RTCA: variants seen among roughly 807,000 people sequenced by gnomAD.
RTCA encodes the protein RNA 3'-terminal phosphate cyclase, also known as RNA terminal phosphate cyclase domain 1.
RTCA carries 37 observed loss-of-function variants against 46.1 expected under a neutral mutation model. The ratio of observed to expected loss-of-function variants is 0.80; its 90% CI spans 0.62 to 1.06. RTCA has a LOEUF of 1.06. Among genes scored for constraint, RTCA ranks in the 50% least tolerant of loss-of-function variants. The pLI is 0.00. For missense variants in RTCA, 435 were observed against 455.5 expected, an observed-to-expected ratio of 0.95 and a Z score of 0.41; for synonymous variants, 164 against 158.3, an observed-to-expected ratio of 1.04 and a Z score of -0.27.
rs772670063 is a variant in RTCA at position 100,277,332 on chromosome 1, G to A, written c.799+16G>A. 2 of 1,597,502 alleles carry A rather than the reference G, an allele frequency of 1.3e-6. No individual in the cohort carries two copies. Among genetic ancestry groups the A allele is most frequent in the East Asian group, 4.5e-5 (2 of 44,578 alleles). On this transcript the variant is annotated intron_variant, in intron 8 of 10. Transcript: ENST00000370128. The stretch of plus-strand genomic sequence containing the variant: ...GGTAAACGAGGTAAGATAAATGAAG[G>A]GGGTCCATAGTTCCCAATGCTACTG...
chr1:100,283,160 C>CTTT (rs71084815), intron 8 of RTCA, among the ~76,000 whole-genome samples: 2 of 102,102 alleles, frequency 2.0e-5, no homozygotes, highest in East Asian at 3.1e-4. Flanking sequence ...CCAAATATTC[C>CTTT]TTTTTTTTTT....
At chr1:100,270,807 C>A in intron 4 of RTCA, 127 bp downstream of exon 4, 2 of 1,169,332 alleles carry the variant, frequency 1.7e-6, no homozygotes, top group Non-Finnish European at 2.4e-6. Context: ...TCTTTTCTTT[C>A]TTTCTTTCTT....
chr1:100,275,464 GCT>G (rs1415211242), intron 6 of RTCA, 133 bp from the exon 7 acceptor site: 5 of 577,296 alleles, frequency 8.7e-6, no homozygotes, highest in South Asian at 3.4e-5. Flanking sequence ...AAAATTCAGT[GCT>G]CTCTTGAAAA....
Position 100,277,313 on chromosome 1 carries a change from C to G in RTCA, c.796C>G (p.Arg266Gly). The change falls in exon 8 of 11, where the codon CGA becomes GGA. Residue 266 changes from arginine (R) to glycine (G), a missense_variant. Coordinates refer to ENST00000370128, the MANE Select transcript of RTCA (RefSeq NM_003729.4). Reference sequence around the variant, plus strand: ...GTTTGCTGGATCATCGCTTGGTAAACGAGGTAAGATAAATGAAGGGGGTCC... The same window carrying G: ...GTTTGCTGGATCATCGCTTGGTAAAGGAGGTAAGATAAATGAAGGGGGTCC... ...CLFAGSSLGKRGVNADKVGIE... is the reference protein window; with the variant it reads ...CLFAGSSLGKGGVNADKVGIE... 1 of 1,610,128 alleles carries G rather than the reference C, an allele frequency of 6.2e-7. No individual in the cohort carries two copies. Among genetic ancestry groups the G allele is most frequent in the Non-Finnish European group, 8.5e-7 (1 of 1,178,436 alleles).
chr1:100,292,194 A>G lies in RTCA; in HGVS notation c.*690A>G. The G allele has an allele frequency of 6.6e-6, 1 of 152,578 alleles. No homozygotes were observed. The highest frequency in any genetic ancestry group is 1.5e-5 in the Non-Finnish European group (1 of 68,258). 9.5% of individuals were successfully genotyped at this position (152,578 alleles called of 1,614,324 possible). A position where few individuals can be genotyped will look rare whatever the true frequency, so the allele number is the denominator to read the frequency against. ...CGGCCTCCCAAAGTGGTGGGATTAC[A>G]GGCGTGAGCCAGTGCACCCGGCAAC... On this transcript the variant is annotated 3_prime_UTR_variant, in exon 11 of 11. Coordinates refer to ENST00000370128, the MANE Select transcript of RTCA (RefSeq NM_003729.4).
At chr1:100,267,275 T>C (rs1360899443) in intron 2 of RTCA, 1 of 432,430 alleles carries the variant, frequency 2.3e-6, no homozygotes, top group Non-Finnish European at 4.0e-6. Context: ...TACATTTTAA[T>C]AAATCAGCGG....
At chr1:100,272,297 G>C (rs75797044) in intron 4 of RTCA, among the ~76,000 whole-genome samples, 55 of 152,276 alleles carry the variant, frequency 3.6e-4, no homozygotes, top group African/African-American at 1.3e-3. Flanking sequence ...GAGAGTTCCA[G>C]CTGAAGTGGG....
At chr1:100,267,997 A>C in intron 2 of RTCA, 155 bp from the exon 3 acceptor site, 4 of 1,113,448 alleles carry the variant, frequency 3.6e-6, no homozygotes, top group South Asian at 1.7e-5. Flanking sequence ...CTAGGTGCAT[A>C]AAAACCCAAA....
chr1:100,291,139 T>G (rs1667330719), intron 10 of RTCA, among the ~76,000 whole-genome samples: 1 of 152,188 alleles, frequency 6.6e-6, no homozygotes, highest in Non-Finnish European at 1.5e-5. Flanking sequence ...TCTGATTCAG[T>G]GTGCGTGGAA....
At position 100,274,887 on chromosome 1, in the gene RTCA, C is replaced by T; in HGVS notation, c.537C>T (p.Asn179=). 1.9e-6 allele frequency: 3 copies of T among 1,613,428 alleles called. No homozygotes were observed. Among genetic ancestry groups the T allele is most frequent in the South Asian group, 1.1e-5 (1 of 90,992 alleles). The change falls in exon 6 of 11, where the codon AAC becomes AAT. Residue 179 remains asparagine (N), a synonymous_variant. Transcript: ENST00000370128. The stretch of plus-strand genomic sequence containing the variant: ...GAATGTCACCAGTTAAACAATTGAA[C>T]CCTATAAATTTAACTGAGCGTGGCT... ...IVRMSPVKQL[N]PINLTERGCV...
At chr1:100,278,839 A>C (rs1666538790) in intron 8 of RTCA, among the ~76,000 whole-genome samples, 1 of 152,246 alleles carries the variant, frequency 6.6e-6, no homozygotes, top group South Asian at 2.1e-4. Context: ...CAGACAGGCA[A>C]ACTTGTCAGC....
intron 4 of RTCA, among the ~76,000 whole-genome samples, chr1:100,272,142 T>C (rs1041446437): frequency 6.6e-6 from 1 of 152,198 alleles, no homozygotes; most frequent in African/African-American, 2.4e-5. Context: ...CATATACAAG[T>C]TTTTGTGTGA....
At chr1:100,276,410 G>A (rs1196423701) in intron 7 of RTCA, among the ~76,000 whole-genome samples, 1 of 152,154 alleles carries the variant, frequency 6.6e-6, no homozygotes, top group East Asian at 1.9e-4. Flanking sequence ...CAGGCGCGGT[G>A]GCTTACACCT....
Position 100,269,048 on chromosome 1 carries a change from T to C in RTCA, c.290+753T>C, listed in dbSNP as rs577483605. On this transcript the variant is annotated intron_variant, in intron 3 of 10. Transcript: ENST00000370128. ...ATATATATATTTATATATTTATATA[T>C]ATAAATAAAAATTAGCTGGGCATGG... 1.8e-3 allele frequency among the ~76,000 whole-genome samples: 264 copies of C among 148,614 alleles called. 1 individual carries two copies. Among genetic ancestry groups the C allele is most frequent in the African/African-American group, 6.2e-3 (250 of 40,076 alleles).
At chr1:100,267,361 T>C (rs1303796679) in intron 2 of RTCA, 7 of 944,664 alleles carry the variant, frequency 7.4e-6, no homozygotes, top group East Asian at 3.0e-5. Context: ...GCCTTTGTCA[T>C]AGTTTGCAGC....
chr1:100,287,148 G>A lies in RTCA; in HGVS notation c.944G>A (p.Gly315Glu). The A allele has an allele frequency of 2.5e-6, 4 of 1,592,366 alleles. No homozygotes were observed. The highest frequency in any genetic ancestry group is 3.4e-6 in the Non-Finnish European group (4 of 1,171,594). Residue 315 changes from glycine to glutamate, a missense_variant, in exon 10 of 11, where the codon GGA (glycine) becomes GAA (glutamate). Coordinates refer to ENST00000370128, the MANE Select transcript of RTCA (RefSeq NM_003729.4). The stretch of plus-strand genomic sequence containing the variant: ...AATGGAGTTTCCAGAATAAAAACAG[G>A]ACCAGTTACACTCCATACGCAAACC... ...LANGVSRIKT[G>E]PVTLHTQTAI...
intron 8 of RTCA, among the ~76,000 whole-genome samples, chr1:100,277,878 TTTG>T (rs1666487409): frequency 1.3e-5 from 2 of 152,176 alleles, no homozygotes; most frequent in South Asian, 2.1e-4. Context: ...CATTACCTTT[TTTG>T]TTGTTGTTCA....
intron 8 of RTCA, among the ~76,000 whole-genome samples, chr1:100,282,002 G>A (rs1429138302): frequency 6.6e-6 from 1 of 152,084 alleles, no homozygotes; most frequent in Non-Finnish European, 1.5e-5. Flanking sequence ...CACCGTGCCG[G>A]CCTCATGGCA....
intron 8 of RTCA, among the ~76,000 whole-genome samples, chr1:100,278,946 C>G (rs866958952): frequency 3.0e-4 from 45 of 152,288 alleles, no homozygotes; most frequent in African/African-American, 1.1e-3. Context: ...TCCATTTTAA[C>G]AAACTTTCCA....
Sources: gnomAD v4.1 joint callset for allele counts (sites outside exome capture counted in the v4.1 genomes callset) on GRCh38, gnomAD v4.1.1 for gene constraint, MANE v1.5 for transcripts, NCBI Gene and HGNC (gene_info 2026-07-23, HGNC 2026-07-21) for gene names.